The following FIGLA variants were observed in gnomAD, a reference collection of about 807,000 sequenced individuals.
FIGLA encodes the protein factor in the germline alpha.
FIGLA carries 17 observed loss-of-function variants against 21.5 expected under a neutral mutation model. The observed-to-expected ratio is 0.79, with a 90% CI of 0.54 to 1.19. The LOEUF (loss-of-function observed/expected upper bound fraction) is 1.19, where lower values mean the gene tolerates loss of function less well. FIGLA is among the 50% of genes most tolerant of loss of function. The pLI is 0.00. For synonymous variants in FIGLA, 129 were observed against 117.6 expected (o/e 1.10, Z -0.63); for missense variants, 282 against 285.0 (o/e 0.99, Z 0.08).
chr2:70,777,991 C>A (rs1553388577), intron 3 of FIGLA, among the ~76,000 whole-genome samples: 1 of 152,146 alleles, frequency 6.6e-6, no homozygotes, highest in African/African-American at 2.4e-5. Flanking sequence ...AAAAAATAAA[C>A]CCATGACTGA....
intron 3 of FIGLA, among the ~76,000 whole-genome samples, chr2:70,783,053 T>C (rs1181285965): frequency 3.6e-5 from 3 of 84,256 alleles, no homozygotes; most frequent in African/African-American, 1.9e-4. Flanking sequence ...CGAGACTCTG[T>C]CTCAAAAAAA....
chr2:70,782,850 C>G (rs782549934), intron 3 of FIGLA, among the ~76,000 whole-genome samples: 1 of 152,002 alleles, frequency 6.6e-6, no homozygotes, highest in Non-Finnish European at 1.5e-5. Context: ...GGGCAGATCA[C>G]GAAGTCAGGA....
At chr2:70,786,087 T>C (rs1295730823) in intron 2 of FIGLA, among the ~76,000 whole-genome samples, 1 of 152,146 alleles carries the variant, frequency 6.6e-6, no homozygotes, top group African/African-American at 2.4e-5. Context: ...TATTCAAAGG[T>C]ACTATCATAC....
chr2:70,777,563 G>A, intron 4 of FIGLA, 74 bp downstream of exon 4: 1 of 1,556,492 alleles, frequency 6.4e-7, no homozygotes, highest in Non-Finnish European at 8.7e-7. Flanking sequence ...AGAATGTGAT[G>A]GAATTAGCAC....
In FIGLA at chr2:70,780,119, T is replaced by C. The variant is rs143989375; in HGVS notation, c.610-2448A>G. ...CATTCCCCGAGTGAACTTCTGGGGC[T>C]CTGGCCCCAGACGTTAATCTCCATC... On this transcript the variant is annotated intron_variant, in intron 3 of 4. Coordinates refer to ENST00000332372, the MANE Select transcript of FIGLA (RefSeq NM_001004311.3). 3.7e-3 allele frequency among the ~76,000 whole-genome samples: 560 copies of C among 152,284 alleles called. 1 individual carries two copies. The highest frequency in any genetic ancestry group is 0.013 in the African/African-American group (545 of 41,558).
At chr2:70,777,590 G>A (rs781979849) in intron 4 of FIGLA, 47 bp downstream of exon 4, 14 of 1,588,528 alleles carry the variant, frequency 8.8e-6, no homozygotes, top group African/African-American at 1.3e-5. Context: ...TATACAGCCA[G>A]TGGTGTTATA....
intron 3 of FIGLA, among the ~76,000 whole-genome samples, chr2:70,781,897 G>A (rs535304164): frequency 1.4e-4 from 22 of 152,184 alleles, no homozygotes; most frequent in African/African-American, 1.9e-4. Flanking sequence ...GAATCTACAC[G>A]TGTGATAAAA....
At chr2:70,782,987 G>A (rs1269153269) in intron 3 of FIGLA, among the ~76,000 whole-genome samples, 4 of 151,738 alleles carry the variant, frequency 2.6e-5, no homozygotes, top group African/African-American at 9.7e-5. Context: ...GAACCCGGGA[G>A]GCGGAGGTTG....
chr2:70,777,606 G>A lies in FIGLA; in HGVS notation c.644+31C>T, dbSNP rs1177954030. On this transcript the variant is annotated intron_variant, in intron 4 of 4. Transcript: ENST00000332372. ...ATACAGCCAGTGGTGTTATAAATTG[G>A]CACTATGCATCAGGTTATAGAATGA... 14 of 1,597,848 alleles carry A rather than the reference G, an allele frequency of 8.8e-6. 1 individual carries two copies. In the Admixed American group the frequency reaches 2.2e-4, roughly 26 times the overall value.
intron 3 of FIGLA, among the ~76,000 whole-genome samples, chr2:70,784,829 G>A (rs1256539653): frequency 6.6e-6 from 1 of 151,972 alleles, no homozygotes; most frequent in Non-Finnish European, 1.5e-5. Context: ...TCTGGACTTG[G>A]AGAAGCATGC....
chr2:70,780,716 T>C (rs561899440), intron 3 of FIGLA, among the ~76,000 whole-genome samples: 1 of 152,086 alleles, frequency 6.6e-6, no homozygotes, highest in Non-Finnish European at 1.5e-5. Flanking sequence ...TCAAAGAAAA[T>C]GCGAGTTCTT....
rs192904851 is a variant in FIGLA, at chr2:70,781,500, A to G, written c.610-3829T>C. Among the ~76,000 whole-genome samples, 902 of 152,336 alleles carry G rather than the reference A, an allele frequency of 5.9e-3. 5 individuals carry two copies. Among genetic ancestry groups the G allele is most frequent in the African/African-American group, 0.021 (853 of 41,582 alleles). On this transcript the variant is annotated intron_variant, in intron 3 of 4. Coordinates refer to ENST00000332372, the MANE Select transcript of FIGLA (RefSeq NM_001004311.3). The stretch of plus-strand genomic sequence containing the variant: ...AATCCACTGAATTAAACAGAAAACC[A>G]TGAGCTCATACTAATATAAAAATGT...
At chr2:70,789,923 A>C (rs1676027265) in intron 1 of FIGLA, among the ~76,000 whole-genome samples, 1 of 152,138 alleles carries the variant, frequency 6.6e-6, no homozygotes, top group South Asian at 2.1e-4. Flanking sequence ...TTTAAAAAAG[A>C]AAAGTCACTT....
intron 3 of FIGLA, among the ~76,000 whole-genome samples, chr2:70,780,556 C>A (rs1316609126): frequency 6.6e-6 from 1 of 152,100 alleles, no homozygotes; most frequent in African/African-American, 2.4e-5. Context: ...CTTGAGCCCA[C>A]CCTGGTTCCT....
intron 3 of FIGLA, among the ~76,000 whole-genome samples, chr2:70,778,470 C>A (rs1675802180): frequency 6.7e-6 from 1 of 149,488 alleles, no homozygotes; most frequent in Non-Finnish European, 1.5e-5. Flanking sequence ...TCAGACCTAG[C>A]TTTGGAAGCT....
At chr2:70,781,476 A>G (rs1226303945) in intron 3 of FIGLA, among the ~76,000 whole-genome samples, 1 of 152,242 alleles carries the variant, frequency 6.6e-6, no homozygotes, top group Non-Finnish European at 1.5e-5. Flanking sequence ...GTATATAATA[A>G]TCCACTGAAT....
chr2:70,786,328 A>G (rs752813326), intron 2 of FIGLA, among the ~76,000 whole-genome samples: 38 of 149,684 alleles, frequency 2.5e-4, no homozygotes, highest in Non-Finnish European at 4.6e-4. Flanking sequence ...GGGGGGGGAC[A>G]GAGTCTCGCT....
intron 2 of FIGLA, among the ~76,000 whole-genome samples, chr2:70,786,098 A>AC (rs1424544218): frequency 1.3e-5 from 2 of 152,166 alleles, no homozygotes; most frequent in African/African-American, 4.8e-5. Flanking sequence ...ACTATCATAC[A>AC]CCTGGAGATT....
At chr2:70,783,852 C>A (rs1558598016) in intron 3 of FIGLA, among the ~76,000 whole-genome samples, 1 of 152,098 alleles carries the variant, frequency 6.6e-6, no homozygotes, top group South Asian at 2.1e-4. Context: ...CAGGTGCCCG[C>A]CACCACGCCT....
Sources: gnomAD v4.1 joint callset for allele counts (sites outside exome capture counted in the v4.1 genomes callset) on GRCh38, gnomAD v4.1.1 for gene constraint, MANE v1.5 for transcripts, NCBI Gene and HGNC (gene_info 2026-07-23, HGNC 2026-07-21) for gene names.